MCF2L2: variants seen among roughly 807,000 people sequenced by gnomAD.
MCF2L2 encodes MCF.2 cell line derived transforming sequence-like 2.
A neutral mutation model predicts 150.2 loss-of-function variants in MCF2L2; 102 were observed. That is an observed-to-expected ratio of 0.68 (90% CI 0.58 to 0.80). The LOEUF is 0.80. Ranked by LOEUF, MCF2L2 falls within the 30% of genes least tolerant of loss-of-function variation. The pLI, the probability that MCF2L2 is intolerant of heterozygous loss-of-function variation, is 0.00. For synonymous variants in MCF2L2, 465 were observed against 491.3 expected (o/e 0.95, Z 0.71); for missense variants, 1,256 against 1,372.8 (o/e 0.91, Z 1.34).
chr3:183,273,108 A>C, intron 15 of MCF2L2: 3 of 1,180,732 alleles, frequency 2.5e-6, no homozygotes, highest in Non-Finnish European at 3.5e-6. Context: ...GAAGGAAAAA[A>C]CTTTTTGGTG....
chr3:183,335,217 T>A (rs1730427931), intron 5 of MCF2L2, among the ~76,000 whole-genome samples: 1 of 151,990 alleles, frequency 6.6e-6, no homozygotes, highest in Non-Finnish European at 1.5e-5. Flanking sequence ...CACGACCCAA[T>A]CCTAGAGTAG....
chr3:183,272,073 T>C, intron 15 of MCF2L2: 1 of 803,670 alleles, frequency 1.2e-6, no homozygotes, highest in Non-Finnish European at 1.5e-6. Context: ...GATCTTTATT[T>C]TCTAAATATT....
intron 1 of MCF2L2, among the ~76,000 whole-genome samples, chr3:183,422,076 C>T (rs1715912601): frequency 6.6e-6 from 1 of 152,160 alleles, no homozygotes; most frequent in South Asian, 2.1e-4. Flanking sequence ...TAAAATTGCT[C>T]CAGTCTTATT....
chr3:183,309,641 A>G, intron 10 of MCF2L2, 75 bp downstream of exon 10: 2 of 1,595,656 alleles, frequency 1.3e-6, no homozygotes, highest in Non-Finnish European at 1.7e-6. Context: ...ACCTTCCAAT[A>G]GCAATGACTG....
chr3:183,223,218 G>A (rs567938049), intron 20 of MCF2L2, 128 bp downstream of exon 20: 1 of 642,236 alleles, frequency 1.6e-6, no homozygotes, highest in Non-Finnish European at 2.7e-6. Context: ...GAAAGAAAAA[G>A]CCTGCAGGAT....
Position 183,246,927 on chromosome 3 carries a change from T to A in MCF2L2, c.1863-15910A>T, listed in dbSNP as rs553166834. ...GGTTGTTTTTGTTTTTTGTTTTTAATGTGTGCGTTATCTTACTTGATCCAT... is the reference window on the plus strand; with the variant it reads ...GGTTGTTTTTGTTTTTTGTTTTTAAAGTGTGCGTTATCTTACTTGATCCAT... On this transcript the variant is annotated intron_variant, in intron 15 of 29. Transcript: ENST00000328913. Among the ~76,000 whole-genome samples the A allele has an allele frequency of 5.3e-5, 8 of 152,322 alleles. No homozygotes were observed. In the South Asian group the frequency reaches 1.7e-3, roughly 32 times the overall value.
intron 1 of MCF2L2, among the ~76,000 whole-genome samples, chr3:183,423,029 A>T (rs1715958905): frequency 6.6e-6 from 1 of 152,288 alleles, no homozygotes; most frequent in Non-Finnish European, 1.5e-5. Flanking sequence ...TTTGTCGATC[A>T]ATTTTTTTAG....
intron 15 of MCF2L2, among the ~76,000 whole-genome samples, chr3:183,245,778 C>G (rs1198354243): frequency 6.6e-6 from 1 of 152,094 alleles, no homozygotes; most frequent in South Asian, 2.1e-4. Context: ...ATATTGAAAC[C>G]AATGACATTT....
rs777744768 is a variant in MCF2L2, at chr3:183,270,283, T to C, written c.1862+6589A>G. Reference sequence around the variant, plus strand: ...AATGATATAATTCAGCAAGACTTTGTTGATTCTTTCTACAATCTTACTCTG... The same window carrying C: ...AATGATATAATTCAGCAAGACTTTGCTGATTCTTTCTACAATCTTACTCTG... On this transcript the variant is annotated intron_variant, in intron 15 of 29. Transcript: ENST00000328913. This position sits in a 1 kb window ranked among gnomAD's most constrained non-coding sequence, Gnocchi z 4.5. 1.9e-6 allele frequency: 3 copies of C among 1,614,094 alleles called. No individual in the cohort carries two copies. In the African/African-American group the frequency reaches 4.0e-5, roughly 22 times the overall value.
chr3:183,277,694 G>T (rs1343065970), intron 14 of MCF2L2, among the ~76,000 whole-genome samples: 2 of 150,156 alleles, frequency 1.3e-5, no homozygotes, highest in Non-Finnish European at 3.0e-5. Context: ...GTAGAGATGG[G>T]GTTTCACCAT....
intron 2 of MCF2L2, among the ~76,000 whole-genome samples, chr3:183,381,572 G>A (rs562700381): frequency 1.9e-4 from 29 of 152,328 alleles, no homozygotes; most frequent in African/African-American, 6.7e-4. Context: ...ATAAGTTAGC[G>A]CTGTGGTTTT....
chr3:183,285,335 G>A (rs529748177), intron 14 of MCF2L2, among the ~76,000 whole-genome samples: 2 of 152,314 alleles, frequency 1.3e-5, no homozygotes, highest in South Asian at 4.1e-4. Context: ...GATTAAATAA[G>A]CTGCTGGTTG....
At chr3:183,368,350 C>A (rs756992396) in intron 3 of MCF2L2, among the ~76,000 whole-genome samples, 45 of 152,182 alleles carry the variant, frequency 3.0e-4, no homozygotes, top group Non-Finnish European at 5.1e-4. Flanking sequence ...AAATCCACCC[C>A]ACTCTCATCT....
chr3:183,393,624 A>T (rs1714287152), intron 1 of MCF2L2, among the ~76,000 whole-genome samples: 1 of 152,256 alleles, frequency 6.6e-6, no homozygotes, highest in Admixed American at 6.5e-5. Flanking sequence ...AAGTACACAG[A>T]AGTGTGACTC....
At chr3:183,400,103 T>C (rs17614702) in intron 1 of MCF2L2, among the ~76,000 whole-genome samples, 4,180 of 152,290 alleles carry the variant, frequency 0.027, 80 homozygotes, top group Non-Finnish European at 0.042. Context: ...ACCTAATTTT[T>C]CAGAAAATGT....
intron 22 of MCF2L2, among the ~76,000 whole-genome samples, chr3:183,210,473 C>G (rs1722653775): frequency 6.6e-6 from 1 of 152,172 alleles, no homozygotes; most frequent in African/African-American, 2.4e-5. Flanking sequence ...GCTATTCCTA[C>G]TAAGACATAA....
chr3:183,407,807 T>G (rs144098585), intron 1 of MCF2L2, among the ~76,000 whole-genome samples: 3 of 151,976 alleles, frequency 2.0e-5, no homozygotes, highest in Non-Finnish European at 2.9e-5. Flanking sequence ...AATATTGCAA[T>G]AGAAATAAAA....
intron 3 of MCF2L2, among the ~76,000 whole-genome samples, chr3:183,359,808 G>A (rs983933016): frequency 1.3e-5 from 2 of 152,142 alleles, no homozygotes; most frequent in African/African-American, 4.8e-5. Flanking sequence ...ACCAAGACCT[G>A]ACACAACCTC....
intron 1 of MCF2L2, among the ~76,000 whole-genome samples, chr3:183,421,902 A>AT (rs1715905059): frequency 1.3e-5 from 2 of 152,170 alleles, no homozygotes; most frequent in Non-Finnish European, 2.9e-5. Context: ...TCCTCAGACA[A>AT]TGTTGCTTTG....
Sources: gnomAD v4.1 joint callset for allele counts (sites outside exome capture counted in the v4.1 genomes callset) on GRCh38, gnomAD v4.1.1 for gene constraint, Gnocchi (gnomAD v3.1) non-coding constraint, MANE v1.5 for transcripts, NCBI Gene and HGNC (gene_info 2026-07-23, HGNC 2026-07-21) for gene names.